The following TTC19 variants were observed in gnomAD, a reference collection of about 807,000 sequenced individuals.
The protein encoded by TTC19 is tetratricopeptide repeat protein 19, mitochondrial.
A neutral mutation model predicts 49.5 loss-of-function variants in TTC19; 38 were observed. That is an observed-to-expected ratio of 0.77 (90% confidence interval 0.59 to 1.01). The LOEUF (loss-of-function observed/expected upper bound fraction) is 1.01, where lower values mean the gene tolerates loss of function less well. Ranked by LOEUF, TTC19 falls within the 50% of genes least tolerant of loss-of-function variation. TTC19 has a pLI of 0.00. For synonymous variants in TTC19, 204 were observed against 185.2 expected, an observed-to-expected ratio of 1.10 and a Z score of -0.83; for missense variants, 475 against 477.7, an observed-to-expected ratio of 0.99 and a Z score of 0.05.
intron 7 of TTC19, among the ~76,000 whole-genome samples, chr17:16,009,608 T>C (rs1971008976): frequency 6.6e-6 from 1 of 152,208 alleles, no homozygotes; most frequent in Non-Finnish European, 1.5e-5. Context: ...ATGTGTTACA[T>C]GATTCTTCAT....
intron 5 of TTC19, 75 bp downstream of exon 5, chr17:16,003,962 T>A: frequency 1.3e-6 from 2 of 1,481,750 alleles, no homozygotes; most frequent in South Asian, 2.3e-5. Context: ...AAACTCCTCC[T>A]AGCCCCACCA....
chr17:16,044,970 T>C (rs372111545), exon 3 of TTC19: 27 of 537,370 alleles, frequency 5.0e-5, no homozygotes, highest in South Asian at 4.2e-4. Flanking sequence ...AAATTTCTTA[T>C]AACGTGTTCA....
In TTC19 at chr17:16,028,255, C is replaced by T; in HGVS notation, c.*733C>T. On this transcript the variant is annotated 3_prime_UTR_variant, in exon 10 of 10. Transcript: ENST00000261647. ...CTGAACACTCTACTTCCTTTGCAGC[C>T]TTAGTCACACAACTGAGTCATCTCA... 1 of 454,080 alleles carries T rather than the reference C, an allele frequency of 2.2e-6. No homozygotes were observed. The highest frequency in any genetic ancestry group is 1.6e-5 in the South Asian group (1 of 64,478). The allele number at this position is 454,080 out of a possible 1,614,324, so 28.1% of individuals were successfully genotyped here.
chr17:16,035,035 AAGC>A, intron 2 of TTC19: 3 of 1,239,406 alleles, frequency 2.4e-6, no homozygotes, highest in South Asian at 1.5e-5. Context: ...AATGAAAAAA[AAGC>A]AGAATGGTAA....
intron 2 of TTC19, chr17:16,040,349 C>T (rs1362283215): frequency 2.9e-6 from 3 of 1,037,688 alleles, no homozygotes; most frequent in Non-Finnish European, 4.5e-6. Flanking sequence ...CAGTCACTCC[C>T]CTGGTATACA....
intron 3 of TTC19, among the ~76,000 whole-genome samples, chr17:16,002,473 G>A (rs571658266): frequency 2.6e-5 from 4 of 152,062 alleles, no homozygotes; most frequent in African/African-American, 7.2e-5. Flanking sequence ...CACCACGCCC[G>A]GCCACAGCTT....
rs1971643277 is a variant in TTC19 at position 16,028,142 on chromosome 17, C to T, written c.*620C>T. 1 of 453,868 alleles carries T rather than the reference C, an allele frequency of 2.2e-6. No individual in the cohort carries two copies. Among genetic ancestry groups the T allele is most frequent in the Admixed American group, 2.4e-5 (1 of 42,544 alleles). 28.1% of individuals were successfully genotyped at this position (453,868 alleles called of 1,614,324 possible). ...CATTTGAATTTAAATAAAAGTGAAC[C>T]ATATTTATCTGGTTATATAAAACTA... On this transcript the variant is annotated 3_prime_UTR_variant, in exon 10 of 10. Transcript: ENST00000261647.
chr17:16,025,351 T>G (rs1049717331), intron 8 of TTC19, among the ~76,000 whole-genome samples, 180 bp downstream of exon 8: 1 of 152,210 alleles, frequency 6.6e-6, no homozygotes, highest in South Asian at 2.1e-4. Context: ...CAGAAAGGAT[T>G]TGAGACTAGT....
At position 16,028,781 on chromosome 17, in the gene TTC19, A is replaced by ACAATATTGTATGTATCCCAG; in HGVS notation, c.*1260_*1279dup. 2.3e-6 allele frequency: 1 copy of ACAATATTGTATGTATCCCAG among 439,754 alleles called. No homozygotes were observed. The highest frequency in any genetic ancestry group is 4.5e-6 in the Non-Finnish European group (1 of 222,772). The allele number at this position is 439,754 out of a possible 1,614,324, so 27.2% of individuals were successfully genotyped here. On this transcript the variant is annotated 3_prime_UTR_variant, in exon 10 of 10. Coordinates refer to ENST00000261647, the MANE Select transcript of TTC19 (RefSeq NM_017775.4). ...TCTTCATAATAAATGAGACTACACA[A>ACAATATTGTATGTATCCCAG]CAATATTGTATGTATCCCAGTAATC...
At chr17:16,011,468 C>T (rs1483025560) in intron 7 of TTC19, among the ~76,000 whole-genome samples, 1 of 152,220 alleles carries the variant, frequency 6.6e-6, no homozygotes. Context: ...CCACCGCGCC[C>T]GGCCGCGTTA....
rs746252949 is a variant in TTC19 at position 16,039,267 on chromosome 17, T to C, written c.248-5236T>C. On this transcript the variant is annotated intron_variant, in intron 2 of 2. Transcript: ENST00000470649. ...TTTTATTTCTGTTCATATTATAATG[T>C]CTGGGTAGGTTTTCAAAAACCTTTT... The C allele has an allele frequency of 6.2e-6, 4 of 640,304 alleles. No individual in the cohort carries two copies. The Admixed American group carries it at 1.2e-4, about 19-fold the overall frequency. The allele number at this position is 640,304 out of a possible 1,614,324, so 39.7% of individuals were successfully genotyped here.
intron 2 of TTC19, among the ~76,000 whole-genome samples, chr17:16,038,603 AT>A (rs1319408120): frequency 6.6e-6 from 1 of 151,896 alleles, no homozygotes; most frequent in Non-Finnish European, 1.5e-5. Context: ...CACCCAGCTA[AT>A]TTTTGTAATT....
intron 2 of TTC19, chr17:16,039,847 G>A (rs2057222249): frequency 1.8e-6 from 1 of 543,390 alleles, no homozygotes; most frequent in African/African-American, 1.9e-5. Flanking sequence ...CTGGAGTGCA[G>A]TGGCGCGATC....
At chr17:16,020,368 T>TAAGA (rs1971337475) in intron 7 of TTC19, among the ~76,000 whole-genome samples, 1 of 152,250 alleles carries the variant, frequency 6.6e-6, no homozygotes, top group African/African-American at 2.4e-5. Context: ...GGTTGTCTTT[T>TAAGA]TCTTAACGAT....
chr17:16,009,827 G>A (rs1055329210), intron 7 of TTC19, among the ~76,000 whole-genome samples: 2 of 152,068 alleles, frequency 1.3e-5, no homozygotes, highest in Non-Finnish European at 2.9e-5. Flanking sequence ...TGTACTTACT[G>A]AGGAAATGCC....
intron 7 of TTC19, among the ~76,000 whole-genome samples, chr17:16,022,553 G>A (rs1971418715): frequency 6.6e-6 from 1 of 152,098 alleles, no homozygotes; most frequent in African/African-American, 2.4e-5. Flanking sequence ...ATGGTGAGGG[G>A]GTAGGGGAGT....
chr17:16,026,747 T>C (rs1971574439), intron 9 of TTC19, 45 bp downstream of exon 9: 1 of 1,601,354 alleles, frequency 6.2e-7, no homozygotes, highest in Admixed American at 1.7e-5. Flanking sequence ...AAGGGAGGGA[T>C]GTCACTGGAT....
At chr17:16,016,509 T>C (rs1010106463) in intron 7 of TTC19, among the ~76,000 whole-genome samples, 5 of 152,050 alleles carry the variant, frequency 3.3e-5, no homozygotes, top group African/African-American at 9.7e-5. Flanking sequence ...TATAGTGTTA[T>C]TCAAGTCTTC....
Position 16,000,046 on chromosome 17 carries a change from G to A in TTC19, c.184+14G>A. The A allele has an allele frequency of 7.9e-7, 1 of 1,265,476 alleles. No homozygotes were observed. 78.4% of individuals were successfully genotyped at this position (1,265,476 alleles called of 1,614,324 possible). On this transcript the variant is annotated intron_variant, in intron 1 of 9. Coordinates refer to ENST00000261647, the MANE Select transcript of TTC19 (RefSeq NM_017775.4). Reference sequence around the variant, plus strand: ...CGCTGCTGGCAGGTGAGGGGCGCGGGCCGGGCGGGGCCGGCCGGGCGGGGA... The same window carrying A: ...CGCTGCTGGCAGGTGAGGGGCGCGGACCGGGCGGGGCCGGCCGGGCGGGGA...
Sources: allele counts gnomAD v4.1 joint callset (sites outside exome capture counted in the v4.1 genomes callset), GRCh38; gene constraint gnomAD v4.1.1; transcripts MANE v1.5; gene names NCBI Gene and HGNC (gene_info 2026-07-23, HGNC 2026-07-21).